Variants in SLC71A2 observed in about 807,000 individuals in gnomAD.
The protein encoded by SLC71A2 is solute carrier family 71 member 2, also known as hippocampus abundant transcript-like 1.
the SLC71A2 span, among the ~76,000 whole-genome samples, chr9:94,401,811 AG>A: frequency 6.6e-6 from 1 of 152,062 alleles, no homozygotes; most frequent in East Asian, 1.9e-4. Context: ...CTAAAGTGAA[AG>A]CAAGTTTATT....
the SLC71A2 span, chr9:94,445,275 G>T: frequency 1.0e-6 from 1 of 1,001,568 alleles, no homozygotes. Flanking sequence ...GATCCTAGCA[G>T]TTGTTGACTT....
the SLC71A2 span, among the ~76,000 whole-genome samples, chr9:94,377,553 TAATTTA>T: frequency 1.5e-5 from 2 of 132,080 alleles, no homozygotes; most frequent in Admixed American, 7.8e-5. Flanking sequence ...TTTTTTTTTT[TAATTTA>T]TTTTTTGTAG....
At chr9:94,377,481 C>T in the SLC71A2 span, among the ~76,000 whole-genome samples, 4 of 148,330 alleles carry the variant, frequency 2.7e-5, no homozygotes, top group Admixed American at 6.7e-5. Context: ...GCAGTCCTCT[C>T]ACCTCAGCCT....
the SLC71A2 span, among the ~76,000 whole-genome samples, chr9:94,417,449 GA>G: frequency 6.6e-6 from 1 of 152,076 alleles, no homozygotes; most frequent in Non-Finnish European, 1.5e-5. Context: ...CCAACATGGT[GA>G]AACCCAGTCT....
At chr9:94,450,146 TTTGGA>T in the SLC71A2 span, among the ~76,000 whole-genome samples, 1 of 152,240 alleles carries the variant, frequency 6.6e-6, no homozygotes, top group Non-Finnish European at 1.5e-5. Context: ...TGCACAACTC[TTTGGA>T]TATACTAAAA....
At chr9:94,408,901 G>C in the SLC71A2 span, among the ~76,000 whole-genome samples, 3 of 147,618 alleles carry the variant, frequency 2.0e-5, no homozygotes, top group Non-Finnish European at 4.5e-5. Context: ...TCTGCTCACT[G>C]CAAGCTCCCC....
At chr9:94,388,526 G>A in the SLC71A2 span, among the ~76,000 whole-genome samples, 1 of 152,200 alleles carries the variant, frequency 6.6e-6, no homozygotes, top group African/African-American at 2.4e-5. Flanking sequence ...TGAAACAGTT[G>A]TGGCACATAC....
the SLC71A2 span, among the ~76,000 whole-genome samples, chr9:94,447,617 A>C: frequency 1.4e-3 from 216 of 151,930 alleles, no homozygotes; most frequent in African/African-American, 4.9e-3. Flanking sequence ...CACTATCAAC[A>C]TCTCCCACGA....
chr9:94,376,183 TTCC>T, the SLC71A2 span, among the ~76,000 whole-genome samples: 8 of 150,322 alleles, frequency 5.3e-5, no homozygotes, highest in African/African-American at 1.5e-4. Context: ...AAAGCACCAG[TTCC>T]TCCTCCTGTC....
chr9:94,427,394 A>T, the SLC71A2 span, among the ~76,000 whole-genome samples: 1 of 152,032 alleles, frequency 6.6e-6, no homozygotes, highest in Non-Finnish European at 1.5e-5. Flanking sequence ...AAATGGGCCC[A>T]TATGGTCAGA....
chr9:94,440,409 C>CT, the SLC71A2 span, among the ~76,000 whole-genome samples: 39 of 152,078 alleles, frequency 2.6e-4, no homozygotes, highest in African/African-American at 8.4e-4. Flanking sequence ...CACCTTTTCT[C>CT]TTTAGAGCTA....
chr9:94,450,352 C>G, the SLC71A2 span, among the ~76,000 whole-genome samples: 1 of 152,170 alleles, frequency 6.6e-6, no homozygotes, highest in African/African-American at 2.4e-5. Flanking sequence ...TCCAGAGGTT[C>G]TAGCCCTAGG....
the SLC71A2 span, among the ~76,000 whole-genome samples, chr9:94,401,214 A>G: frequency 6.6e-6 from 1 of 152,162 alleles, no homozygotes; most frequent in South Asian, 2.1e-4. Context: ...TCTGTCACCC[A>G]GGCTGGAGTG....
chr9:94,399,262 C>T, the SLC71A2 span, among the ~76,000 whole-genome samples: 1 of 152,138 alleles, frequency 6.6e-6, no homozygotes, highest in African/African-American at 2.4e-5. Context: ...ATATTTCCCA[C>T]TCTAGTCCCA....
At chr9:94,384,262 T>A in the SLC71A2 span, among the ~76,000 whole-genome samples, 8 of 152,196 alleles carry the variant, frequency 5.3e-5, no homozygotes, top group African/African-American at 1.9e-4. Context: ...CATCCTTATC[T>A]TTTTGTGATT....
the SLC71A2 span, among the ~76,000 whole-genome samples, chr9:94,451,905 C>G: frequency 6.6e-6 from 1 of 152,268 alleles, no homozygotes; most frequent in Non-Finnish European, 1.5e-5. Flanking sequence ...CTCAGGGGCC[C>G]TGGCCCCGAT....
At chr9:94,418,775 T>TTCCC in the SLC71A2 span, among the ~76,000 whole-genome samples, 1 of 139,352 alleles carries the variant, frequency 7.2e-6, no homozygotes, top group Non-Finnish European at 1.5e-5. Flanking sequence ...TTTTTTTTTT[T>TTCCC]CACGAGTGGG....
chr9:94,443,035 C>A, the SLC71A2 span, among the ~76,000 whole-genome samples: 1 of 152,112 alleles, frequency 6.6e-6, no homozygotes, highest in African/African-American at 2.4e-5. Flanking sequence ...ACTCATTTTT[C>A]TGCAATATTT....
the SLC71A2 span, among the ~76,000 whole-genome samples, chr9:94,422,545 A>G: frequency 1.0e-3 from 152 of 152,260 alleles, 2 homozygotes; most frequent in East Asian, 0.021. Flanking sequence ...GTAAAATTGC[A>G]TGGTTGTGTT....
Sources: allele counts gnomAD v4.1 joint callset (sites outside exome capture counted in the v4.1 genomes callset), GRCh38; gene constraint gnomAD v4.1.1; transcripts MANE v1.5; gene names NCBI Gene and HGNC (gene_info 2026-07-23, HGNC 2026-07-21).